Variants in STXBP4 observed in about 807,000 individuals in gnomAD.
STXBP4 encodes the protein syntaxin-binding protein 4.
STXBP4 carries 55 observed loss-of-function variants against 76.1 expected under a neutral mutation model. That is an observed-to-expected ratio of 0.72 (90% CI 0.58 to 0.91). The LOEUF is 0.91. STXBP4 is among the 40% of genes least tolerant of loss of function. The probability of loss-of-function intolerance (pLI) is 0.00; values close to 1 mark genes in which losing one functional copy is unlikely to be tolerated. For missense variants in STXBP4, 618 were observed against 636.9 expected, an observed-to-expected ratio of 0.97 and a Z score of 0.32; for synonymous variants, 201 against 220.2, an observed-to-expected ratio of 0.91 and a Z score of 0.77.
the STXBP4 span, among the ~76,000 whole-genome samples, chr17:55,182,154 G>A: frequency 2.9e-5 from 2 of 68,126 alleles, no homozygotes; most frequent in Non-Finnish European, 8.6e-5. Context: ...AGAAGACAAG[G>A]CAAGAATCAA....
the STXBP4 span, among the ~76,000 whole-genome samples, chr17:55,182,727 C>T: frequency 6.6e-6 from 1 of 151,544 alleles, no homozygotes; most frequent in Admixed American, 6.6e-5. Flanking sequence ...AAAAAAAAGA[C>T]CACTTACCAT....
At chr17:55,180,584 T>A in the STXBP4 span, among the ~76,000 whole-genome samples, 197 of 152,266 alleles carry the variant, frequency 1.3e-3, 1 homozygote, top group Non-Finnish European at 2.3e-3. Flanking sequence ...AATTTAGAGA[T>A]GAGGAAATGG....
chr17:54,970,739 T>C (rs2077387033), intron 1 of STXBP4, among the ~76,000 whole-genome samples: 1 of 152,226 alleles, frequency 6.6e-6, no homozygotes, highest in South Asian at 2.1e-4. Context: ...CCCTTCTTTG[T>C]AGCTCCAGGT....
the STXBP4 span, among the ~76,000 whole-genome samples, chr17:55,199,625 G>C: frequency 6.6e-6 from 1 of 152,110 alleles, no homozygotes; most frequent in Non-Finnish European, 1.5e-5. Flanking sequence ...TTCCCTGAGT[G>C]GTAATAATCA....
intron 16 of STXBP4, among the ~76,000 whole-genome samples, chr17:55,133,629 G>A (rs540196473): frequency 2.6e-5 from 4 of 152,318 alleles, no homozygotes; most frequent in African/African-American, 9.6e-5. Context: ...GAGATGAGAA[G>A]ATACTAGCAA....
chr17:55,163,451 G>A lies in STXBP4; in HGVS notation c.*3540G>A, dbSNP rs2080354783. 1 of 152,052 alleles carries A rather than the reference G, an allele frequency of 6.6e-6. No homozygotes were observed. The highest frequency in any genetic ancestry group is 1.5e-5 in the Non-Finnish European group (1 of 68,008). 9.4% of individuals were successfully genotyped at this position (152,052 alleles called of 1,614,324 possible). ...ACCAACTTTCAAATGAGCTAACTTG[G>A]GTGAGACGTTCACTAAAGTACCAAG... On this transcript the variant is annotated 3_prime_UTR_variant, in exon 18 of 18. Transcript: ENST00000376352.
At chr17:55,003,645 A>G (rs549327355) in intron 7 of STXBP4, among the ~76,000 whole-genome samples, 2 of 152,356 alleles carry the variant, frequency 1.3e-5, no homozygotes, top group South Asian at 4.1e-4. Flanking sequence ...AACAAAAGTA[A>G]ATGTAATTAG....
chr17:55,080,241 A>T (rs552425375), intron 15 of STXBP4, among the ~76,000 whole-genome samples: 2 of 152,332 alleles, frequency 1.3e-5, no homozygotes, highest in South Asian at 2.1e-4. Context: ...ATGGTGTCTT[A>T]GTAAATTAAA....
chr17:55,128,662 C>T (rs554503653), intron 16 of STXBP4, among the ~76,000 whole-genome samples: 334 of 152,312 alleles, frequency 2.2e-3, no homozygotes, highest in Middle Eastern at 6.8e-3. Flanking sequence ...GTCGCCCAGG[C>T]TGGAGTGCAA....
At chr17:55,015,115 G>A (rs1266008819) in intron 8 of STXBP4, among the ~76,000 whole-genome samples, 2 of 152,180 alleles carry the variant, frequency 1.3e-5, no homozygotes, top group Non-Finnish European at 2.9e-5. Context: ...AGAGTCAGGT[G>A]ACAGAGAGGT....
intron 1 of STXBP4, 34 bp downstream of exon 1, chr17:54,968,849 C>A: frequency 5.3e-6 from 3 of 570,326 alleles, no homozygotes. Context: ...ACTGTTACTC[C>A]CACTTCGCTT....
At chr17:54,994,494 A>G (rs2077767284) in intron 4 of STXBP4, among the ~76,000 whole-genome samples, 1 of 152,190 alleles carries the variant, frequency 6.6e-6, no homozygotes, top group Admixed American at 6.5e-5. Context: ...TTCAACTCCC[A>G]TAACACTGTT....
At chr17:55,105,516 G>A (rs561419871) in intron 16 of STXBP4, among the ~76,000 whole-genome samples, 1 of 146,766 alleles carries the variant, frequency 6.8e-6, no homozygotes, top group African/African-American at 2.5e-5. Flanking sequence ...CGCCCAGGCT[G>A]GAGTGCAGTG....
the STXBP4 span, among the ~76,000 whole-genome samples, chr17:55,211,796 G>GTTTTT: frequency 1.4e-4 from 5 of 35,000 alleles, no homozygotes; most frequent in South Asian, 2.2e-3. Context: ...CCTGTTTTTT[G>GTTTTT]TTGTTTTTTT....
At chr17:55,042,058 G>T (rs1460041815) in intron 10 of STXBP4, among the ~76,000 whole-genome samples, 1 of 152,110 alleles carries the variant, frequency 6.6e-6, no homozygotes. Flanking sequence ...ATACCCAAAA[G>T]CTAATGTGAC....
At chr17:55,124,854 A>G (rs1022339503) in intron 16 of STXBP4, among the ~76,000 whole-genome samples, 4 of 152,074 alleles carry the variant, frequency 2.6e-5, no homozygotes, top group African/African-American at 9.7e-5. Flanking sequence ...GGTGACTGCC[A>G]TCTTGCTGTG....
chr17:55,027,431 G>A (rs1435202862), intron 8 of STXBP4, among the ~76,000 whole-genome samples: 1 of 152,112 alleles, frequency 6.6e-6, no homozygotes, highest in Non-Finnish European at 1.5e-5. Flanking sequence ...GGTGTGTGGG[G>A]CAAGGGATAA....
intron 12 of STXBP4, among the ~76,000 whole-genome samples, chr17:55,047,379 A>G (rs2078804663): frequency 6.6e-6 from 1 of 151,862 alleles, no homozygotes; most frequent in African/African-American, 2.4e-5. Flanking sequence ...ACAATGTTAA[A>G]ACCTCTTTGA....
intron 8 of STXBP4, among the ~76,000 whole-genome samples, chr17:55,018,128 G>A (rs528616537): frequency 6.6e-6 from 1 of 152,226 alleles, no homozygotes; most frequent in Non-Finnish European, 1.5e-5. Context: ...CTTGAGCCAT[G>A]TGGTGAGTGT....
Sources: gnomAD v4.1 joint callset for allele counts (sites outside exome capture counted in the v4.1 genomes callset) on GRCh38, gnomAD v4.1.1 for gene constraint, MANE v1.5 for transcripts, NCBI Gene and HGNC (gene_info 2026-07-23, HGNC 2026-07-21) for gene names.